EPSTI1: variants seen among roughly 807,000 people sequenced by gnomAD.
EPSTI1 encodes epithelial stromal interaction 1, also known as epithelial-stromal interaction protein 1.
A neutral mutation model predicts 49.9 loss-of-function variants in EPSTI1; 66 were observed. The ratio of observed to expected loss-of-function variants is 1.32; its 90% confidence interval spans 1.08 to 1.62. The LOEUF (loss-of-function observed/expected upper bound fraction) is 1.62. EPSTI1 is among the 40% of genes most tolerant of loss of function. EPSTI1 has a pLI of 0.00. For missense variants in EPSTI1, 394 were observed against 365.5 expected (o/e 1.08, Z -0.64); for synonymous variants, 137 against 130.7 (o/e 1.05, Z -0.33).
intron 10 of EPSTI1, among the ~76,000 whole-genome samples, chr13:42,890,517 C>A (rs539409640): frequency 6.6e-6 from 1 of 152,074 alleles, no homozygotes; most frequent in Admixed American, 6.5e-5. Flanking sequence ...CCAGGATGGT[C>A]TCGATCTCCT....
chr13:42,965,057 G>A (rs2039566721), intron 3 of EPSTI1, among the ~76,000 whole-genome samples: 1 of 152,268 alleles, frequency 6.6e-6, no homozygotes, highest in South Asian at 2.1e-4. Flanking sequence ...GATATATAAG[G>A]CCTGTTTGGT....
In EPSTI1 at chr13:42,991,960, G is replaced by C; in HGVS notation, c.188+18C>G. 6.2e-7 allele frequency: 1 copy of C among 1,612,126 alleles called. No individual in the cohort carries two copies. Among genetic ancestry groups the C allele is most frequent in the Non-Finnish European group, 8.5e-7 (1 of 1,179,634 alleles). On this transcript the variant is annotated intron_variant, in intron 1 of 10. Transcript: ENST00000313624. ...GGCCCGGGCTCCCGCCCCGAAGCCA[G>C]GTTGTTAAAATACTCACCGCCTCTG...
chr13:42,888,074 T>C lies in EPSTI1; in HGVS notation c.*420A>G. 1.7e-6 allele frequency: 1 copy of C among 593,020 alleles called. No individual in the cohort carries two copies. The highest frequency in any genetic ancestry group is 2.9e-5 in the East Asian group (1 of 34,568). 36.7% of individuals were successfully genotyped at this position (593,020 alleles called of 1,614,324 possible). A position where few individuals can be genotyped will look rare whatever the true frequency, so the allele number is the denominator to read the frequency against. On this transcript the variant is annotated 3_prime_UTR_variant, in exon 11 of 11. Coordinates refer to ENST00000313624, the MANE Select transcript of EPSTI1 (RefSeq NM_033255.5). ...GTACATATTTGTACCATAAAGAAAG[T>C]AGGGATTAAAATCTAAAAAGACCCC...
intron 6 of EPSTI1, among the ~76,000 whole-genome samples, chr13:42,942,007 A>T (rs1026799985): frequency 6.6e-6 from 1 of 152,210 alleles, no homozygotes; most frequent in African/African-American, 2.4e-5. Flanking sequence ...ATTAGAGACA[A>T]ATAGTTTTTG....
At chr13:42,899,096 G>A (rs954684747) in intron 9 of EPSTI1, among the ~76,000 whole-genome samples, 1 of 151,904 alleles carries the variant, frequency 6.6e-6, no homozygotes, top group Non-Finnish European at 1.5e-5. Flanking sequence ...TACTCAGGAG[G>A]CTGAGGCAGG....
intron 1 of EPSTI1, among the ~76,000 whole-genome samples, chr13:42,979,594 A>G (rs1163132456): frequency 3.2e-5 from 4 of 123,448 alleles, no homozygotes; most frequent in Non-Finnish European, 7.0e-5. Flanking sequence ...CAAAAAAAAA[A>G]AAAAAAAAGA....
At position 42,919,729 on chromosome 13, in the gene EPSTI1, C is replaced by A. The variant is rs115921807; in HGVS notation, c.658-2105G>T. On this transcript the variant is annotated intron_variant, in intron 7 of 10. Coordinates refer to ENST00000313624, the MANE Select transcript of EPSTI1 (RefSeq NM_033255.5). ...ACTAGATTGAGGAGACTTTCCAAAT[C>A]AAGTAAGGCTAAGTTATATTTCAAA... Among the ~76,000 whole-genome samples, 214 of 152,284 alleles carry A rather than the reference C, an allele frequency of 1.4e-3. 1 individual carries two copies. Among genetic ancestry groups the A allele is most frequent in the African/African-American group, 5.0e-3 (208 of 41,578 alleles).
At chr13:42,980,233 A>G (rs898329655) in intron 1 of EPSTI1, among the ~76,000 whole-genome samples, 12 of 152,208 alleles carry the variant, frequency 7.9e-5, no homozygotes, top group Non-Finnish European at 1.6e-4. Context: ...GTGAAAAACA[A>G]GATCCGTCTA....
chr13:42,955,808 A>T (rs2039242102), intron 5 of EPSTI1, among the ~76,000 whole-genome samples: 1 of 149,188 alleles, frequency 6.7e-6, no homozygotes, highest in Admixed American at 6.7e-5. Context: ...ATCTCAGAAG[A>T]AAAACAAAAA....
chr13:42,976,345 C>T (rs2039881845), intron 1 of EPSTI1, among the ~76,000 whole-genome samples: 1 of 152,182 alleles, frequency 6.6e-6, no homozygotes, highest in South Asian at 2.1e-4. Context: ...GAGAACAAAC[C>T]TTATCTCTCA....
chr13:42,962,014 C>A (rs932268186), intron 5 of EPSTI1, among the ~76,000 whole-genome samples: 29 of 152,156 alleles, frequency 1.9e-4, no homozygotes, highest in Non-Finnish European at 4.0e-4. Context: ...TTCTAGATGG[C>A]TAATGTTCAT....
intron 6 of EPSTI1, among the ~76,000 whole-genome samples, chr13:42,945,545 T>C (rs1012126323): frequency 6.6e-6 from 1 of 152,206 alleles, no homozygotes; most frequent in African/African-American, 2.4e-5. Flanking sequence ...GAATAGGAGA[T>C]AATCAAATCT....
rs192134300 is a variant in EPSTI1, at chr13:42,910,543, C to T, written c.741+6998G>A. Among the ~76,000 whole-genome samples the T allele has an allele frequency of 2.1e-3, 323 of 152,126 alleles. 1 individual carries two copies. Among genetic ancestry groups the T allele is most frequent in the African/African-American group, 7.0e-3 (291 of 41,502 alleles). On this transcript the variant is annotated intron_variant, in intron 8 of 10. Transcript: ENST00000313624. ...TTCTGGGATTACAGAAGTGAGCCAC[C>T]GCGCCTGGTCCAACTCTCTTATTAA...
intron 9 of EPSTI1, among the ~76,000 whole-genome samples, chr13:42,899,849 AT>A (rs202078120): frequency 0.013 from 1,980 of 152,016 alleles, 15 homozygotes; most frequent in Non-Finnish European, 0.022. Flanking sequence ...TGGTTCTAAG[AT>A]TTTTTTTCTC....
At chr13:42,909,328 G>A (rs556198453) in intron 8 of EPSTI1, among the ~76,000 whole-genome samples, 8 of 152,226 alleles carry the variant, frequency 5.3e-5, no homozygotes, top group Admixed American at 3.3e-4. Flanking sequence ...ACCCTTACAC[G>A]CTGCTTGTGG....
At chr13:42,918,279 T>G (rs2037895561) in intron 7 of EPSTI1, among the ~76,000 whole-genome samples, 1 of 152,206 alleles carries the variant, frequency 6.6e-6, no homozygotes, top group African/African-American at 2.4e-5. Flanking sequence ...TTCCACACCC[T>G]GGCATAGTGA....
rs115105578 is a variant in EPSTI1 at position 42,888,660 on chromosome 13, G to C, written c.916-158C>G. ...ACTTAAATGACCATTGAAACGATTT[G>C]ATTTTCAAGTCACATTGCATTTGAT... On this transcript the variant is annotated intron_variant, in intron 10 of 10. Transcript: ENST00000313624. Among the ~76,000 whole-genome samples the C allele has an allele frequency of 7.0e-3, 1,066 of 152,280 alleles. 13 individuals are homozygous for C. Among genetic ancestry groups the C allele is most frequent in the African/African-American group, 0.024 (1,012 of 41,552 alleles).
intron 5 of EPSTI1, among the ~76,000 whole-genome samples, chr13:42,956,349 A>G (rs2039271334): frequency 2.0e-5 from 3 of 152,222 alleles, no homozygotes; most frequent in Admixed American, 2.0e-4. Context: ...CTGATGACCA[A>G]ATAAAAGGAT....
intron 6 of EPSTI1, among the ~76,000 whole-genome samples, chr13:42,945,839 C>T (rs1404063444): frequency 6.6e-6 from 1 of 152,168 alleles, no homozygotes; most frequent in Non-Finnish European, 1.5e-5. Context: ...TTCTAACCAT[C>T]AACATAATTT....
Sources: gnomAD v4.1 joint callset for allele counts (sites outside exome capture counted in the v4.1 genomes callset) on GRCh38, gnomAD v4.1.1 for gene constraint, MANE v1.5 for transcripts, NCBI Gene and HGNC (gene_info 2026-07-23, HGNC 2026-07-21) for gene names.